The following KCMF1 variants were observed in gnomAD, a reference collection of about 807,000 sequenced individuals.
KCMF1 encodes the protein E3 ubiquitin-protein ligase KCMF1.
In KCMF1, 3 loss-of-function variants were observed where a neutral mutation model predicts 41.1. The observed-to-expected ratio is 0.07, with a 90% confidence interval of 0.03 to 0.19. KCMF1 has a LOEUF of 0.19. Ranked by LOEUF, KCMF1 falls within the 10% of genes least tolerant of loss-of-function variation. KCMF1 has a pLI of 1.00. For missense variants in KCMF1, 286 were observed against 488.9 expected (o/e 0.58, Z 3.91); for synonymous variants, 142 against 164.5 (o/e 0.86, Z 1.04).
At chr2:84,994,225 G>C (rs1465499705) in intron 1 of KCMF1, among the ~76,000 whole-genome samples, 5 of 152,126 alleles carry the variant, frequency 3.3e-5, no homozygotes, top group African/African-American at 1.2e-4. Context: ...TGGGATTACA[G>C]GCGTGAGCCA....
At chr2:84,985,477 G>A (rs977984885) in intron 1 of KCMF1, among the ~76,000 whole-genome samples, 2 of 152,108 alleles carry the variant, frequency 1.3e-5, no homozygotes, top group African/African-American at 2.4e-5. Flanking sequence ...CTATTTAACT[G>A]ATGTTTCCTG....
At chr2:85,010,713 T>A (rs1470887325) in intron 1 of KCMF1, among the ~76,000 whole-genome samples, 1 of 152,240 alleles carries the variant, frequency 6.6e-6, no homozygotes, top group Non-Finnish European at 1.5e-5. Context: ...AGTAAGGAGC[T>A]GGAATGTAAT....
intron 1 of KCMF1, among the ~76,000 whole-genome samples, chr2:84,984,765 A>G (rs1673858186): frequency 6.6e-6 from 1 of 152,216 alleles, no homozygotes; most frequent in Admixed American, 6.5e-5. Flanking sequence ...GGTTGCGGTG[A>G]GCCAAGATTG....
chr2:85,018,174 A>C (rs187441943), intron 1 of KCMF1, among the ~76,000 whole-genome samples: 10 of 152,234 alleles, frequency 6.6e-5, no homozygotes, highest in Admixed American at 2.0e-4. Flanking sequence ...TTACAAATAT[A>C]ACACCGTAAC....
At chr2:85,050,301 G>T (rs1313777021) in intron 6 of KCMF1, among the ~76,000 whole-genome samples, 1 of 151,932 alleles carries the variant, frequency 6.6e-6, no homozygotes, top group African/African-American at 2.4e-5. Flanking sequence ...GCTTGTTATT[G>T]CCAGTTTTAA....
At chr2:85,008,347 A>C (rs7559176) in intron 1 of KCMF1, among the ~76,000 whole-genome samples, 8 of 7,330 alleles carry the variant, frequency 1.1e-3, no homozygotes, top group East Asian at 6.6e-3. Context: ...TATGATATAT[A>C]ATATATAATA....
intron 3 of KCMF1, among the ~76,000 whole-genome samples, chr2:85,041,604 T>C (rs1395189250): frequency 6.6e-6 from 1 of 152,180 alleles, no homozygotes; most frequent in African/African-American, 2.4e-5. Flanking sequence ...TGGTGGTTAT[T>C]TTCTCTTTAA....
Position 85,046,171 on chromosome 2 carries a change from G to C in KCMF1, c.494G>C (p.Arg165Pro). The change falls in exon 5 of 7, where the codon CGT (arginine) becomes CCT (proline). Residue 165 changes from arginine to proline, a missense_variant. This residue lies in a region of KCMF1 where 191 missense variants were observed against 279.3 expected (regional missense o/e 0.68). Coordinates refer to ENST00000409785, the MANE Select transcript of KCMF1 (RefSeq NM_020122.5). ...CCTGGCCGGGGATTAGGAGGTCCTC[G>C]TGCTCGTAGATCAAACATGCACTTT... ...FHPGRGLGGP[R>P]ARRSNMHFTS... 6.2e-7 allele frequency: 1 copy of C among 1,613,502 alleles called. No individual in the cohort carries two copies. Among genetic ancestry groups the C allele is most frequent in the Non-Finnish European group, 8.5e-7 (1 of 1,179,676 alleles).
At chr2:85,040,196 A>G (rs533551217) in intron 3 of KCMF1, among the ~76,000 whole-genome samples, 298 of 152,350 alleles carry the variant, frequency 2.0e-3, no homozygotes, top group Non-Finnish European at 3.0e-3. Context: ...AAGTTGTTGT[A>G]ATTTTAAGCT....
At chr2:84,978,498 TG>T (rs892922517) in intron 1 of KCMF1, among the ~76,000 whole-genome samples, 2 of 150,488 alleles carry the variant, frequency 1.3e-5, no homozygotes, top group African/African-American at 5.0e-5. Flanking sequence ...TTTTGGTTTT[TG>T]GGTTTTTTTT....
intron 1 of KCMF1, among the ~76,000 whole-genome samples, chr2:85,026,449 C>G (rs555876569): frequency 2.8e-5 from 4 of 144,726 alleles, no homozygotes; most frequent in Non-Finnish European, 6.0e-5. Flanking sequence ...GTTCAAGCTT[C>G]TTTCTTTCCT....
intron 1 of KCMF1, among the ~76,000 whole-genome samples, chr2:85,005,175 G>A (rs886906456): frequency 6.6e-6 from 1 of 152,094 alleles, no homozygotes; most frequent in African/African-American, 2.4e-5. Flanking sequence ...CCAAAGTGCT[G>A]GCATTACAGG....
At chr2:85,029,015 G>A (rs1574033903) in intron 2 of KCMF1, among the ~76,000 whole-genome samples, 2 of 151,812 alleles carry the variant, frequency 1.3e-5, no homozygotes, top group East Asian at 1.9e-4. Context: ...TGTCGCCCAC[G>A]CTGGAATGCA....
intron 5 of KCMF1, among the ~76,000 whole-genome samples, chr2:85,046,647 C>T (rs1430558730): frequency 1.4e-5 from 2 of 147,236 alleles, no homozygotes; most frequent in African/African-American, 2.5e-5. Flanking sequence ...AAAAAAAAAA[C>T]TTTTTGTGAG....
chr2:85,015,737 GTAGCCACAAA>G (rs1674753590), intron 1 of KCMF1, among the ~76,000 whole-genome samples: 1 of 152,148 alleles, frequency 6.6e-6, no homozygotes, highest in South Asian at 2.1e-4. Context: ...TAAATCATCT[GTAGCCACAAA>G]AGAAGTTTTA....
At chr2:85,019,642 C>T (rs1319423203) in intron 1 of KCMF1, among the ~76,000 whole-genome samples, 1 of 151,928 alleles carries the variant, frequency 6.6e-6, no homozygotes, top group East Asian at 1.9e-4. Context: ...TGTAGCATGC[C>T]TGCCACATAG....
intron 1 of KCMF1, among the ~76,000 whole-genome samples, chr2:84,995,603 T>C (rs1383445385): frequency 6.6e-6 from 1 of 152,186 alleles, no homozygotes; most frequent in Non-Finnish European, 1.5e-5. Flanking sequence ...TTGCAAGAGG[T>C]TGACTTTCCA....
At chr2:84,982,389 C>CTTT (rs34687477) in intron 1 of KCMF1, among the ~76,000 whole-genome samples, 484 of 47,282 alleles carry the variant, frequency 0.01, 50 homozygotes, top group African/African-American at 0.013. Context: ...TCCTTATTTT[C>CTTT]TTTTTTTTTT....
chr2:84,977,893 A>G (rs1011040846), intron 1 of KCMF1, among the ~76,000 whole-genome samples: 2 of 152,064 alleles, frequency 1.3e-5, no homozygotes, highest in Non-Finnish European at 2.9e-5. Context: ...TTTTATATTC[A>G]TGTTTAAGTT....
Sources: allele counts gnomAD v4.1 joint callset (sites outside exome capture counted in the v4.1 genomes callset), GRCh38; gene constraint gnomAD v4.1.1; regional missense constraint gnomAD v4.1.1; transcripts MANE v1.5; gene names NCBI Gene and HGNC (gene_info 2026-07-23, HGNC 2026-07-21).